The following KCNIP4 variants were observed in gnomAD, a reference collection of about 807,000 sequenced individuals.
KCNIP4 encodes the protein Kv channel-interacting protein 4.
KCNIP4 carries 12 observed loss-of-function variants against 34.0 expected under a neutral mutation model. The ratio of observed to expected loss-of-function variants is 0.35; its 90% CI spans 0.23 to 0.57. KCNIP4 has a LOEUF of 0.57. Ranked by LOEUF, KCNIP4 falls within the 20% of genes least tolerant of loss-of-function variation. The pLI is 0.83. For synonymous variants in KCNIP4, 124 were observed against 102.2 expected, an observed-to-expected ratio of 1.21 and a Z score of -1.29; for missense variants, 238 against 311.7, an observed-to-expected ratio of 0.76 and a Z score of 1.78.
At chr4:21,787,461 A>G (rs1719987355) in intron 1 of KCNIP4, among the ~76,000 whole-genome samples, 1 of 152,204 alleles carries the variant, frequency 6.6e-6, no homozygotes, top group Non-Finnish European at 1.5e-5. Context: ...ATGCCCACAC[A>G]GCAAAACTCA....
At position 21,158,134 on chromosome 4, in the gene KCNIP4, G is replaced by T. The variant is rs572417739; in HGVS notation, c.62-275425C>A. ...AGAAATAGGTACTCTAAATAACCCT[G>T]TATCTGTTAAACACATTAAAGTTAC... On this transcript the variant is annotated intron_variant, in intron 1 of 8. Coordinates refer to ENST00000382152, the MANE Select transcript of KCNIP4 (RefSeq NM_025221.6). Among the ~76,000 whole-genome samples the T allele has an allele frequency of 2.0e-5, 3 of 152,194 alleles. No individual in the cohort carries two copies. The South Asian group carries it at 6.2e-4, about 32-fold the overall frequency.
At chr4:21,509,484 G>A (rs1432938405) in intron 1 of KCNIP4, among the ~76,000 whole-genome samples, 2 of 152,140 alleles carry the variant, frequency 1.3e-5, no homozygotes, top group Non-Finnish European at 2.9e-5. Context: ...TTATCAAAGA[G>A]ATACCAGTGC....
At chr4:21,046,914 C>A (rs910176205) in intron 1 of KCNIP4, among the ~76,000 whole-genome samples, 1 of 152,158 alleles carries the variant, frequency 6.6e-6, no homozygotes, top group Non-Finnish European at 1.5e-5. Context: ...AATTTATATA[C>A]TTTTATTACT....
intron 1 of KCNIP4, among the ~76,000 whole-genome samples, chr4:21,234,797 G>T (rs1219386995): frequency 6.6e-6 from 1 of 151,394 alleles, no homozygotes; most frequent in Non-Finnish European, 1.5e-5. Flanking sequence ...ACAGGTGCCC[G>T]CTACCATGCC....
chr4:20,953,509 C>T (rs573336845), intron 1 of KCNIP4, among the ~76,000 whole-genome samples: 91 of 151,960 alleles, frequency 6.0e-4, no homozygotes, highest in Admixed American at 2.4e-3. Context: ...TGGTGAAATC[C>T]GATCTGTACT....
At chr4:21,500,238 GT>G (rs146389479) in intron 1 of KCNIP4, among the ~76,000 whole-genome samples, 2 of 152,144 alleles carry the variant, frequency 1.3e-5, no homozygotes, top group Admixed American at 6.5e-5. Flanking sequence ...GAAAATGCAT[GT>G]TTTTTTGAAG....
chr4:20,825,982 T>C (rs1190551633), intron 3 of KCNIP4, among the ~76,000 whole-genome samples: 2 of 152,112 alleles, frequency 1.3e-5, no homozygotes, highest in African/African-American at 4.8e-5. Flanking sequence ...TCCATTACGT[T>C]TTTAAAATAG....
chr4:21,116,214 G>A (rs1264237725), intron 1 of KCNIP4, among the ~76,000 whole-genome samples: 2 of 152,192 alleles, frequency 1.3e-5, no homozygotes, highest in African/African-American at 2.4e-5. Flanking sequence ...AACTGTTTAA[G>A]CTTCAGGTCC....
chr4:21,729,445 G>A (rs11930835), intron 1 of KCNIP4, among the ~76,000 whole-genome samples: 13 of 152,024 alleles, frequency 8.6e-5, no homozygotes, highest in East Asian at 1.9e-4. Context: ...ATTATTATTC[G>A]AGAAGCAATT....
At chr4:21,750,304 T>C (rs1279803987) in intron 1 of KCNIP4, among the ~76,000 whole-genome samples, 1 of 152,150 alleles carries the variant, frequency 6.6e-6, no homozygotes, top group African/African-American at 2.4e-5. Context: ...AAAGAAGCTG[T>C]AAAATGCTTC....
rs1296168843 is a variant in KCNIP4 at position 20,850,719 on chromosome 4, C to T, written c.164-52G>A. On this transcript the variant is annotated intron_variant, in intron 2 of 8. Coordinates refer to ENST00000382152, the MANE Select transcript of KCNIP4 (RefSeq NM_025221.6). Reference sequence around the variant, plus strand: ...TAGGACCAGCCACTGCTCACCGATGCTTACACAGAGCAACAAAGGAAAACG... The same window carrying T: ...TAGGACCAGCCACTGCTCACCGATGTTTACACAGAGCAACAAAGGAAAACG... 5.1e-6 allele frequency: 8 copies of T among 1,579,240 alleles called. No homozygotes were observed. The African/African-American group carries it at 1.1e-4, about 21-fold the overall frequency.
At chr4:20,955,468 C>T (rs1733202579) in intron 1 of KCNIP4, among the ~76,000 whole-genome samples, 2 of 152,220 alleles carry the variant, frequency 1.3e-5, no homozygotes, top group South Asian at 4.1e-4. Context: ...TTGTGTGGTT[C>T]CCTCATGCCC....
At chr4:21,696,758 A>C (rs980926592) in intron 1 of KCNIP4, among the ~76,000 whole-genome samples, 1 of 152,160 alleles carries the variant, frequency 6.6e-6, no homozygotes, top group African/African-American at 2.4e-5. Flanking sequence ...AATCATGAAA[A>C]TTTTTAAACA....
intron 1 of KCNIP4, among the ~76,000 whole-genome samples, chr4:21,321,127 C>T (rs534755066): frequency 3.9e-5 from 6 of 152,170 alleles, no homozygotes; most frequent in South Asian, 2.1e-4. Context: ...ATTCTGCATA[C>T]ATTTGCAAAG....
intron 1 of KCNIP4, among the ~76,000 whole-genome samples, chr4:21,288,014 T>C (rs1048639542): frequency 3.9e-5 from 6 of 152,190 alleles, no homozygotes; most frequent in Admixed American, 3.9e-4. Context: ...AATATAAGTA[T>C]AAATTAGAAA....
At chr4:21,429,403 T>G (rs1171497483) in intron 1 of KCNIP4, among the ~76,000 whole-genome samples, 1 of 152,198 alleles carries the variant, frequency 6.6e-6, no homozygotes, top group African/African-American at 2.4e-5. Context: ...ATATCCTGTT[T>G]CTTCCAAGTT....
chr4:21,932,333 T>G (rs536640457), intron 1 of KCNIP4, among the ~76,000 whole-genome samples: 2 of 152,168 alleles, frequency 1.3e-5, no homozygotes, highest in East Asian at 3.9e-4. Flanking sequence ...TGAAGAAAAG[T>G]TCTCAGCTGG....
chr4:21,605,355 T>C (rs2109130915), intron 1 of KCNIP4, among the ~76,000 whole-genome samples: 1 of 152,334 alleles, frequency 6.6e-6, no homozygotes, highest in Middle Eastern at 3.4e-3. Context: ...GCAAGGCAAG[T>C]ACATTTTTAA....
At chr4:21,326,136 T>A in intron 1 of KCNIP4, among the ~76,000 whole-genome samples, 1 of 151,840 alleles carries the variant, frequency 6.6e-6, no homozygotes, top group Non-Finnish European at 1.5e-5. Flanking sequence ...AAGTTTGATG[T>A]TTCTTTGTTG....
Sources: allele counts gnomAD v4.1 joint callset (sites outside exome capture counted in the v4.1 genomes callset), GRCh38; gene constraint gnomAD v4.1.1; transcripts MANE v1.5; gene names NCBI Gene and HGNC (gene_info 2026-07-23, HGNC 2026-07-21).